CYP2C19: variants seen among roughly 807,000 people sequenced by gnomAD.
CYP2C19 encodes cytochrome P450 family 2 subfamily C member 19, also known as cytochrome P450 2C19.
Under a neutral mutation model 40.9 loss-of-function variants are expected in CYP2C19, and 59 were observed. That is an observed-to-expected ratio of 1.44 (90% CI 1.17 to 1.79). The LOEUF (loss-of-function observed/expected upper bound fraction) is 1.79, where lower values mean the gene tolerates loss of function less well. Ranked by LOEUF, CYP2C19 falls within the 40% of genes most tolerant of loss-of-function variation. The pLI, the probability that CYP2C19 is intolerant of heterozygous loss-of-function variation, is 0.00. For synonymous variants in CYP2C19, 253 were observed against 208.7 expected (o/e 1.21, Z -1.83); for missense variants, 754 against 596.9 (o/e 1.26, Z -2.74).
intron 5 of CYP2C19, among the ~76,000 whole-genome samples, chr10:94,810,797 G>A (rs1452854270): frequency 1.3e-5 from 2 of 151,784 alleles, no homozygotes; most frequent in Non-Finnish European, 2.9e-5. Context: ...TATTAGTCTG[G>A]CTAGCAGCCT....
At chr10:94,807,859 T>C (rs1420061559) in intron 5 of CYP2C19, among the ~76,000 whole-genome samples, 1 of 152,154 alleles carries the variant, frequency 6.6e-6, no homozygotes, top group Non-Finnish European at 1.5e-5. Context: ...CTTTATTGAA[T>C]GTTTTCTTTG....
At chr10:94,778,323 C>G (rs562205366) in intron 3 of CYP2C19, among the ~76,000 whole-genome samples, 1 of 152,174 alleles carries the variant, frequency 6.6e-6, no homozygotes, top group African/African-American at 2.4e-5. Context: ...GGTCAGAGAA[C>G]AGCTGCGTTC....
intron 5 of CYP2C19, among the ~76,000 whole-genome samples, chr10:94,814,414 G>A (rs1226229898): frequency 6.6e-6 from 1 of 151,910 alleles, no homozygotes; most frequent in Non-Finnish European, 1.5e-5. Flanking sequence ...TGCATGTGAT[G>A]GAACAATTGC....
At chr10:94,780,720 A>C (rs1848468634) in intron 4 of CYP2C19, 61 bp downstream of exon 4, 1 of 1,574,152 alleles carries the variant, frequency 6.4e-7, no homozygotes. Context: ...TGGGAAATCC[A>C]AAATTCTATA....
Position 94,765,465 on chromosome 10 carries a change from C to T in CYP2C19, c.168+2592C>T, listed in dbSNP as rs1848227011. ...GTGTGTGTTTGTTGTTTTCATTTTC[C>T]CATACTCCTAGAGTACTTGCCAAGG... On this transcript the variant is annotated intron_variant, in intron 1 of 8. Transcript: ENST00000371321. Among the ~76,000 whole-genome samples, 3 of 152,134 alleles carry T rather than the reference C, an allele frequency of 2.0e-5. No homozygotes were observed. In the South Asian group the frequency reaches 6.2e-4, roughly 32 times the overall value.
intron 6 of CYP2C19, among the ~76,000 whole-genome samples, chr10:94,826,420 A>G (rs543640797): frequency 1.5e-4 from 23 of 152,278 alleles, no homozygotes; most frequent in Admixed American, 9.2e-4. Flanking sequence ...CTTTGAAGCA[A>G]TTGTGAATGG....
intron 5 of CYP2C19, among the ~76,000 whole-genome samples, chr10:94,800,067 T>C (rs1180111255): frequency 6.6e-6 from 1 of 152,222 alleles, no homozygotes; most frequent in East Asian, 1.9e-4. Flanking sequence ...CTGTAATCCC[T>C]TGAGGAGGAG....
rs553898794 is a variant in CYP2C19 at position 94,827,940 on chromosome 10, G to A, written c.961+7303G>A. ...TTATGTACCCAGTAGTCATTCAGGAGCAGGTTGTTCAGTTTCCATGTAGTT... is the reference window on the plus strand; with the variant it reads ...TTATGTACCCAGTAGTCATTCAGGAACAGGTTGTTCAGTTTCCATGTAGTT... On this transcript the variant is annotated intron_variant, in intron 6 of 8. Transcript: ENST00000371321. 3.9e-5 allele frequency among the ~76,000 whole-genome samples: 6 copies of A among 151,908 alleles called. No homozygotes were observed. In the South Asian group the frequency reaches 1.3e-3, roughly 32 times the overall value.
rs867689846 is a variant in CYP2C19 at position 94,818,680 on chromosome 10, G to A, written c.820-1816G>A. Among the ~76,000 whole-genome samples the A allele has an allele frequency of 4.6e-3, 692 of 149,012 alleles. 3 individuals carry two copies. The highest frequency in any genetic ancestry group is 0.012 in the African/African-American group (495 of 40,278). On this transcript the variant is annotated intron_variant, in intron 5 of 8. Coordinates refer to ENST00000371321, the MANE Select transcript of CYP2C19 (RefSeq NM_000769.4). Reference sequence around the variant, plus strand: ...GTGAATGGGAGTTCACTCATGATTCGGCTCTCTGTTTGTCTGTTGTTGGTG... The same window carrying A: ...GTGAATGGGAGTTCACTCATGATTCAGCTCTCTGTTTGTCTGTTGTTGGTG...
At chr10:94,806,030 C>G (rs1357480620) in intron 5 of CYP2C19, among the ~76,000 whole-genome samples, 1 of 152,012 alleles carries the variant, frequency 6.6e-6, no homozygotes, top group Admixed American at 6.6e-5. Context: ...GAACCCCACC[C>G]CCACCTCAAA....
At chr10:94,848,921 T>C (rs984882383) in intron 7 of CYP2C19, among the ~76,000 whole-genome samples, 5 of 152,170 alleles carry the variant, frequency 3.3e-5, no homozygotes, top group Non-Finnish European at 4.4e-5. Flanking sequence ...TTTTGTCCAT[T>C]GATTTTGTAT....
intron 3 of CYP2C19, chr10:94,776,184 G>A (rs575869201): frequency 6.6e-5 from 10 of 152,030 alleles, no homozygotes; most frequent in Non-Finnish European, 1.0e-4. Flanking sequence ...TATTGATTTT[G>A]AGTAAACATA....
chr10:94,828,286 G>A (rs1181637949), intron 6 of CYP2C19, among the ~76,000 whole-genome samples: 1 of 151,676 alleles, frequency 6.6e-6, no homozygotes, highest in East Asian at 1.9e-4. Flanking sequence ...CATTATTAAT[G>A]TGTGGGAGTC....
chr10:94,797,626 T>C (rs2134250405), intron 5 of CYP2C19, among the ~76,000 whole-genome samples: 1 of 152,208 alleles, frequency 6.6e-6, no homozygotes, highest in East Asian at 1.9e-4. Context: ...CCTGAACTTT[T>C]TTTTTGGTTG....
chr10:94,808,555 A>G (rs1346903892), intron 5 of CYP2C19, among the ~76,000 whole-genome samples: 1 of 152,056 alleles, frequency 6.6e-6, no homozygotes, highest in Non-Finnish European at 1.5e-5. Flanking sequence ...TTTTGTACCA[A>G]TTAGAATTTC....
chr10:94,848,821 T>C (rs550867616), intron 7 of CYP2C19, among the ~76,000 whole-genome samples: 33 of 152,350 alleles, frequency 2.2e-4, no homozygotes, highest in Non-Finnish European at 4.0e-4. Flanking sequence ...TCCTAGGTAT[T>C]TTATTCTCTT....
In CYP2C19 at chr10:94,784,301, G is replaced by A. The variant is rs146457532; in HGVS notation, c.819+2304G>A. On this transcript the variant is annotated intron_variant, in intron 5 of 8. Coordinates refer to ENST00000371321, the MANE Select transcript of CYP2C19 (RefSeq NM_000769.4). Reference sequence around the variant, plus strand: ...ATCACAAATTGTTATTCATCTGTTTGTGGACATTTGCATTGTTTCCAACTT... The same window carrying A: ...ATCACAAATTGTTATTCATCTGTTTATGGACATTTGCATTGTTTCCAACTT... Among the ~76,000 whole-genome samples, 475 of 152,114 alleles carry A rather than the reference G, an allele frequency of 3.1e-3. 3 individuals carry two copies. Among genetic ancestry groups the A allele is most frequent in the African/African-American group, 0.011 (452 of 41,524 alleles).
At chr10:94,809,161 T>C (rs1848878589) in intron 5 of CYP2C19, among the ~76,000 whole-genome samples, 1 of 152,222 alleles carries the variant, frequency 6.6e-6, no homozygotes, top group African/African-American at 2.4e-5. Flanking sequence ...ATTACAGTTT[T>C]TATTTGCGCT....
At chr10:94,831,810 G>T (rs925953592) in intron 6 of CYP2C19, among the ~76,000 whole-genome samples, 7 of 152,034 alleles carry the variant, frequency 4.6e-5, no homozygotes, top group African/African-American at 1.7e-4. Context: ...TTAATCTCTT[G>T]TCAGATGAGT....
Sources: allele counts gnomAD v4.1 joint callset (sites outside exome capture counted in the v4.1 genomes callset), GRCh38; gene constraint gnomAD v4.1.1; transcripts MANE v1.5; gene names NCBI Gene and HGNC (gene_info 2026-07-23, HGNC 2026-07-21).